BANK1: variants seen among roughly 807,000 people sequenced by gnomAD.
BANK1 encodes B-cell scaffold protein with ankyrin repeats.
BANK1 carries 95 observed loss-of-function variants against 94.5 expected under a neutral mutation model. That is an observed-to-expected ratio of 1.00 (90% CI 0.85 to 1.19). The LOEUF (loss-of-function observed/expected upper bound fraction) is 1.19, where lower values mean the gene tolerates loss of function less well. Ranked by LOEUF, BANK1 falls within the 50% of genes most tolerant of loss-of-function variation. The pLI, the probability that BANK1 is intolerant of heterozygous loss-of-function variation, is 0.00. For missense variants in BANK1, 987 were observed against 932.2 expected, an observed-to-expected ratio of 1.06 and a Z score of -0.77; for synonymous variants, 334 against 308.4, an observed-to-expected ratio of 1.08 and a Z score of -0.87.
At chr4:101,886,937 A>G (rs1053326855) in intron 5 of BANK1, among the ~76,000 whole-genome samples, 6 of 152,266 alleles carry the variant, frequency 3.9e-5, no homozygotes, top group Middle Eastern at 3.4e-3. Flanking sequence ...TTCTTACAGC[A>G]TAATATAACA....
intron 1 of BANK1, among the ~76,000 whole-genome samples, chr4:101,797,638 A>G (rs11944613): frequency 0.28 from 42,673 of 152,038 alleles, 6,232 homozygotes; most frequent in Non-Finnish European, 0.32. Flanking sequence ...GAATGACACC[A>G]AGGGTTGTGG....
chr4:101,881,895 G>A (rs1560614953), intron 5 of BANK1, among the ~76,000 whole-genome samples: 1 of 150,200 alleles, frequency 6.7e-6, no homozygotes, highest in Non-Finnish European at 1.5e-5. Context: ...GAGCTAGAGA[G>A]TAGAAGGATG....
intron 12 of BANK1, 197 bp from the exon 13 acceptor site, chr4:102,062,878 A>C: frequency 1.9e-6 from 1 of 528,796 alleles, no homozygotes; most frequent in Non-Finnish European, 3.4e-6. Context: ...GAATGACGAC[A>C]TTTTACATCC....
At chr4:102,067,284 T>C (rs978317341) in intron 13 of BANK1, among the ~76,000 whole-genome samples, 4 of 152,062 alleles carry the variant, frequency 2.6e-5, no homozygotes, top group Non-Finnish European at 4.4e-5. Context: ...AAGAACAAGA[T>C]GGTAGTATTT....
At chr4:101,919,196 G>C (rs1369302574) in intron 7 of BANK1, among the ~76,000 whole-genome samples, 2 of 151,890 alleles carry the variant, frequency 1.3e-5, no homozygotes, top group African/African-American at 4.8e-5. Flanking sequence ...CATTAATACT[G>C]TTATTTAATA....
chr4:101,968,824 C>A (rs1203278079), intron 7 of BANK1, among the ~76,000 whole-genome samples: 4 of 151,952 alleles, frequency 2.6e-5, no homozygotes, highest in Non-Finnish European at 2.9e-5. Context: ...ATACCTTACT[C>A]CTGAGAAGAA....
chr4:101,814,732 C>CTTTAACGTTTTTG (rs1725843426), intron 1 of BANK1, among the ~76,000 whole-genome samples: 1 of 152,108 alleles, frequency 6.6e-6, no homozygotes, highest in South Asian at 2.1e-4. Flanking sequence ...CTAGCTGTGG[C>CTTTAACGTTTTTG]TTTAACGTTT....
chr4:102,063,088 A>C lies in BANK1; in HGVS notation c.2162A>C (p.Gln721Pro). The C allele has an allele frequency of 6.2e-7, 1 of 1,613,768 alleles. No homozygotes were observed. Among genetic ancestry groups the C allele is most frequent in the South Asian group, 1.1e-5 (1 of 91,066 alleles). Residue 721 changes from glutamine to proline, a missense_variant, in exon 13 of 17, where the codon CAA (glutamine) becomes CCA (proline). Gln to Pro is a moderately conservative substitution (Grantham distance 76). Transcript: ENST00000322953. ...LEMIQQEKLRQLRDCIIGKRP... is the reference protein window; with the variant it reads ...LEMIQQEKLRPLRDCIIGKRP... The stretch of plus-strand genomic sequence containing the variant: ...TTCCACATTAAGGAGAAATTACGAC[A>C]ACTACGAGACTGCATTATTGGGAAA...
At chr4:101,901,762 TG>T (rs11315640) in intron 6 of BANK1, among the ~76,000 whole-genome samples, 120,140 of 148,740 alleles carry the variant, frequency 0.81, 48,688 homozygotes, top group Non-Finnish European at 0.89. Context: ...TTTGTTTTTT[TG>T]TTTTTGTTTT....
chr4:101,939,946 A>G (rs1329411196), intron 7 of BANK1, among the ~76,000 whole-genome samples: 1 of 151,820 alleles, frequency 6.6e-6, no homozygotes, highest in African/African-American at 2.4e-5. Flanking sequence ...TGCTATTCAA[A>G]TATCTTCTAA....
At chr4:101,965,405 G>A (rs887696866) in intron 7 of BANK1, among the ~76,000 whole-genome samples, 3 of 151,062 alleles carry the variant, frequency 2.0e-5, no homozygotes, top group African/African-American at 4.9e-5. Context: ...AAGCAAATGC[G>A]ACATGCAGTG....
Position 101,917,984 on chromosome 4 carries a change from T to G in BANK1, c.1010-9T>G. ...AAACATTAAATCCTACTACTTCTTA[T>G]GCTTACAGATACTCATTTCAAAGAA... On this transcript the variant is annotated splice_polypyrimidine_tract_variant and intron_variant, in intron 6 of 16. Transcript: ENST00000322953. 6.3e-7 allele frequency: 1 copy of G among 1,588,066 alleles called. No individual in the cohort carries two copies.
chr4:101,948,005 T>C (rs1723994671), intron 7 of BANK1, among the ~76,000 whole-genome samples: 1 of 152,132 alleles, frequency 6.6e-6, no homozygotes, highest in Admixed American at 6.6e-5. Context: ...GTCCTTAATA[T>C]ATGCTATGTA....
chr4:101,882,437 C>A (rs1728711399), intron 5 of BANK1, among the ~76,000 whole-genome samples: 1 of 152,118 alleles, frequency 6.6e-6, no homozygotes, highest in South Asian at 2.1e-4. Context: ...CATGTTAATA[C>A]ATTTCTTTAC....
intron 13 of BANK1, among the ~76,000 whole-genome samples, chr4:102,066,496 A>G (rs2148966222): frequency 6.6e-6 from 1 of 152,252 alleles, no homozygotes; most frequent in Middle Eastern, 3.4e-3. Flanking sequence ...TGACCTCGTG[A>G]TCCGCCCGCC....
At chr4:101,948,288 C>T (rs1241369964) in intron 7 of BANK1, among the ~76,000 whole-genome samples, 2 of 152,076 alleles carry the variant, frequency 1.3e-5, no homozygotes, top group Non-Finnish European at 2.9e-5. Context: ...TACAGTGATG[C>T]TATTGGTGTC....
At chr4:102,057,615 G>A (rs1728275477) in intron 11 of BANK1, among the ~76,000 whole-genome samples, 1 of 152,072 alleles carries the variant, frequency 6.6e-6, no homozygotes, top group Non-Finnish European at 1.5e-5. Flanking sequence ...ACAGGTGTCA[G>A]CCACTGCACC....
At chr4:102,062,958 A>G (rs1449386575) in intron 12 of BANK1, 117 bp from the exon 13 acceptor site, 2 of 727,208 alleles carry the variant, frequency 2.8e-6, no homozygotes, top group African/African-American at 3.6e-5. Context: ...GAGACATCAT[A>G]AGTAGCAAAT....
At chr4:102,060,467 G>C in intron 12 of BANK1, 78 bp downstream of exon 12, 1 of 1,439,500 alleles carries the variant, frequency 6.9e-7, no homozygotes, top group Non-Finnish European at 9.4e-7. Context: ...ATTTTCATGA[G>C]GAATACAGGT....
Sources: gnomAD v4.1 joint callset for allele counts (sites outside exome capture counted in the v4.1 genomes callset) on GRCh38, gnomAD v4.1.1 for gene constraint, MANE v1.5 for transcripts, NCBI Gene and HGNC (gene_info 2026-07-23, HGNC 2026-07-21) for gene names.